KIAA0825: variants seen among roughly 807,000 people sequenced by gnomAD.
The protein encoded by KIAA0825 is uncharacterized protein KIAA0825.
A neutral mutation model predicts 147.6 loss-of-function variants in KIAA0825; 119 were observed. The observed-to-expected ratio is 0.81, with a 90% CI of 0.69 to 0.94. The LOEUF is 0.94. KIAA0825 is among the 40% of genes least tolerant of loss of function. The pLI is 0.00. For missense variants in KIAA0825, 1,381 were observed against 1,472.7 expected (o/e 0.94, Z 1.02); for synonymous variants, 470 against 518.1 (o/e 0.91, Z 1.26).
intron 20 of KIAA0825, among the ~76,000 whole-genome samples, chr5:94,374,088 G>GA (rs1191623190): frequency 6.6e-6 from 1 of 152,016 alleles, no homozygotes; most frequent in Non-Finnish European, 1.5e-5. Flanking sequence ...AATAGTCATT[G>GA]AAAAAAAGAA....
At chr5:94,402,209 A>G (rs979433204) in intron 16 of KIAA0825, among the ~76,000 whole-genome samples, 13 of 152,138 alleles carry the variant, frequency 8.5e-5, no homozygotes, top group African/African-American at 3.1e-4. Flanking sequence ...ATTTTTTGAA[A>G]TAAGAGGCTC....
intron 20 of KIAA0825, among the ~76,000 whole-genome samples, chr5:94,184,039 C>G (rs1248962143): frequency 6.6e-6 from 1 of 152,064 alleles, no homozygotes; most frequent in Admixed American, 6.6e-5. Context: ...TAGGACTGAG[C>G]CTTTAACCTG....
At chr5:94,542,295 T>C (rs1054989391) in intron 2 of KIAA0825, among the ~76,000 whole-genome samples, 1 of 152,206 alleles carries the variant, frequency 6.6e-6, no homozygotes, top group Non-Finnish European at 1.5e-5. Context: ...TTTTTAACAT[T>C]TGGCTTAAAA....
At chr5:94,526,626 T>TA (rs961083350) in intron 3 of KIAA0825, among the ~76,000 whole-genome samples, 7 of 151,894 alleles carry the variant, frequency 4.6e-5, no homozygotes, top group African/African-American at 1.7e-4. Context: ...AGTATGCTTT[T>TA]AAAAAAAAGA....
intron 20 of KIAA0825, among the ~76,000 whole-genome samples, chr5:94,157,373 A>G (rs1396966828): frequency 6.6e-6 from 1 of 152,010 alleles, no homozygotes; most frequent in Non-Finnish European, 1.5e-5. Flanking sequence ...CATGATATTA[A>G]CTGTCTTCTG....
rs527406879 is a variant in KIAA0825, at chr5:94,334,699, G to A, written c.3710+49669C>T. ...GGGTTTCACCATGTTGGCCCGGTTGGTATTGAACTCCTGACCTCAAACAAT... is the reference window on the plus strand; with the variant it reads ...GGGTTTCACCATGTTGGCCCGGTTGATATTGAACTCCTGACCTCAAACAAT... On this transcript the variant is annotated intron_variant, in intron 20 of 20. Transcript: ENST00000682413. Among the ~76,000 whole-genome samples, 10 of 152,178 alleles carry A rather than the reference G, an allele frequency of 6.6e-5. No individual in the cohort carries two copies. The South Asian group carries it at 1.9e-3, about 28-fold the overall frequency.
At chr5:94,476,760 G>C (rs1416745008) in intron 7 of KIAA0825, among the ~76,000 whole-genome samples, 1 of 152,104 alleles carries the variant, frequency 6.6e-6, no homozygotes, top group Non-Finnish European at 1.5e-5. Context: ...AAAAATATGA[G>C]GCCAGTTGAG....
chr5:94,372,517 C>T (rs1308500524), intron 20 of KIAA0825, among the ~76,000 whole-genome samples: 1 of 152,210 alleles, frequency 6.6e-6, no homozygotes, highest in Non-Finnish European at 1.5e-5. Flanking sequence ...TGGGCTTGCA[C>T]CCTCTGAAGC....
intron 20 of KIAA0825, among the ~76,000 whole-genome samples, chr5:94,281,428 T>C (rs926273333): frequency 6.6e-6 from 1 of 152,088 alleles, no homozygotes; most frequent in Non-Finnish European, 1.5e-5. Flanking sequence ...CCTGGGAAGA[T>C]TTTAAAACAA....
At chr5:94,616,016 T>A (rs1305096464) in intron 1 of KIAA0825, among the ~76,000 whole-genome samples, 1 of 152,112 alleles carries the variant, frequency 6.6e-6, no homozygotes, top group Non-Finnish European at 1.5e-5. Flanking sequence ...GTTACAGTCA[T>A]GAGTCATGGT....
At position 94,344,086 on chromosome 5, in the gene KIAA0825, C is replaced by T. The variant is rs540373706; in HGVS notation, c.3710+40282G>A. Among the ~76,000 whole-genome samples the T allele has an allele frequency of 8.9e-4, 136 of 152,246 alleles. 1 individual carries two copies. The highest frequency in any genetic ancestry group is 1.7e-3 in the Non-Finnish European group (115 of 68,002). On this transcript the variant is annotated intron_variant, in intron 20 of 20. Transcript: ENST00000682413. The stretch of plus-strand genomic sequence containing the variant: ...GTTGAACATATGCCTACCCTGTGAT[C>T]CAGAAATTCTACTTCTAGGTATATA...
chr5:94,577,133 G>A (rs978160366), intron 2 of KIAA0825, among the ~76,000 whole-genome samples: 8 of 151,828 alleles, frequency 5.3e-5, no homozygotes, highest in Middle Eastern at 3.4e-3. Context: ...GTTGATTTCA[G>A]CATCTATAGT....
At position 94,565,829 on chromosome 5, in the gene KIAA0825, A is replaced by G. The variant is rs555340550; in HGVS notation, c.-2+16604T>C. ...TTATGACATAGGTATACAGTGTGGA[A>G]AGATTGAATCAAGCTAATTAACATA... On this transcript the variant is annotated intron_variant, in intron 2 of 20. Transcript: ENST00000682413. Among the ~76,000 whole-genome samples the G allele has an allele frequency of 3.3e-5, 5 of 152,338 alleles. No individual in the cohort carries two copies. The East Asian group carries it at 9.6e-4, about 29-fold the overall frequency.
At chr5:94,268,063 T>C (rs905661622) in intron 20 of KIAA0825, among the ~76,000 whole-genome samples, 1 of 151,988 alleles carries the variant, frequency 6.6e-6, no homozygotes, top group African/African-American at 2.4e-5. Context: ...TCAATAAACA[T>C]GTGTTGGACT....
At chr5:94,155,522 G>C (rs1460362385) in intron 20 of KIAA0825, among the ~76,000 whole-genome samples, 1 of 152,028 alleles carries the variant, frequency 6.6e-6, no homozygotes, top group Non-Finnish European at 1.5e-5. Flanking sequence ...TATGATATCT[G>C]TTCCCATACT....
intron 1 of KIAA0825, among the ~76,000 whole-genome samples, chr5:94,588,070 GAC>G (rs1433454650): frequency 6.6e-6 from 1 of 152,098 alleles, no homozygotes; most frequent in Non-Finnish European, 1.5e-5. Context: ...TTAAATGTAA[GAC>G]CTAAAACCAT....
intron 20 of KIAA0825, among the ~76,000 whole-genome samples, chr5:94,200,979 A>C (rs868039055): frequency 7.4e-6 from 1 of 135,240 alleles, no homozygotes; most frequent in African/African-American, 2.7e-5. Flanking sequence ...ATATATATAT[A>C]TATATGTATA....
At chr5:94,290,067 T>C (rs755342624) in intron 20 of KIAA0825, among the ~76,000 whole-genome samples, 3 of 152,088 alleles carry the variant, frequency 2.0e-5, no homozygotes, top group Non-Finnish European at 4.4e-5. Context: ...TGAACAAATT[T>C]AATTGAATAG....
At chr5:94,217,545 A>AT (rs984927194) in intron 20 of KIAA0825, among the ~76,000 whole-genome samples, 4 of 152,178 alleles carry the variant, frequency 2.6e-5, no homozygotes, top group African/African-American at 7.2e-5. Context: ...TTAGTTATAC[A>AT]TACCCATACT....
Sources: allele counts gnomAD v4.1 joint callset (sites outside exome capture counted in the v4.1 genomes callset), GRCh38; gene constraint gnomAD v4.1.1; transcripts MANE v1.5; gene names NCBI Gene and HGNC (gene_info 2026-07-23, HGNC 2026-07-21).